MMP17: variants seen among roughly 807,000 people sequenced by gnomAD.
MMP17 encodes matrix metalloproteinase-17.
Under a neutral mutation model 49.1 loss-of-function variants are expected in MMP17, and 54 were observed. The observed-to-expected ratio is 1.10, with a 90% confidence interval of 0.88 to 1.38. The LOEUF is 1.38. Among genes scored for constraint, MMP17 ranks in the 40% most tolerant of loss-of-function variants. MMP17 has a pLI of 0.00. For synonymous variants in MMP17, 397 were observed against 383.1 expected (o/e 1.04, Z -0.42); for missense variants, 837 against 853.7 (o/e 0.98, Z 0.24).
intron 6 of MMP17, 46 bp downstream of exon 6, chr12:131,844,127 C>T (rs866939394): frequency 1.4e-6 from 2 of 1,465,918 alleles, no homozygotes; most frequent in South Asian, 1.2e-5. Context: ...TCTGTCTGTC[C>T]TCATCCCTGT....
chr12:131,833,084 TGTGCCTCC>T (rs1566081633), intron 1 of MMP17, among the ~76,000 whole-genome samples: 2 of 152,246 alleles, frequency 1.3e-5, no homozygotes, highest in Non-Finnish European at 2.9e-5. Context: ...CCGAACTCCC[TGTGCCTCC>T]GTGTTCTCAT....
Position 131,838,690 on chromosome 12 carries a change from G to C in MMP17, c.371G>C (p.Arg124Thr). 6.2e-7 allele frequency: 1 copy of C among 1,606,662 alleles called. No homozygotes were observed. Residue 124 changes from arginine to threonine, a missense_variant, in exon 3 of 10, where the codon AGA (arginine) becomes ACA (threonine). Transcript: ENST00000360564. Reference protein sequence around the residue: ...DLPVLTQARRRRQAPAPTKWN... With the variant: ...DLPVLTQARRTRQAPAPTKWN... ...CCTGTCCTGACCCAGGCTCGCAGGA[G>C]ACGCCAGGCTCCAGCCCCCACCAAG...
At position 131,846,339 on chromosome 12, in the gene MMP17, C is replaced by G. The variant is rs192882568; in HGVS notation, c.1204+890C>G. Reference sequence around the variant, plus strand: ...ATCTTCTCTTATAAGGAAGCCGGGCCTTGATTCAGGTCCCCTAGTCCTGTT... The same window carrying G: ...ATCTTCTCTTATAAGGAAGCCGGGCGTTGATTCAGGTCCCCTAGTCCTGTT... On this transcript the variant is annotated intron_variant, in intron 8 of 9. Coordinates refer to ENST00000360564, the MANE Select transcript of MMP17 (RefSeq NM_016155.7). This position sits in a 1 kb window ranked among gnomAD's most constrained non-coding sequence, Gnocchi z 4.6. Among the ~76,000 whole-genome samples the G allele has an allele frequency of 1.3e-5, 2 of 152,206 alleles. No homozygotes were observed. The highest frequency in any genetic ancestry group is 2.1e-4 in the South Asian group (1 of 4,814).
At chr12:131,841,603 C>T in intron 4 of MMP17, 21 bp from the exon 5 acceptor site, 1 of 1,613,714 alleles carries the variant, frequency 6.2e-7, no homozygotes, top group South Asian at 1.1e-5. Flanking sequence ...CCTTAGTTCA[C>T]ATGGCTCCCT....
intron 1 of MMP17, among the ~76,000 whole-genome samples, chr12:131,834,419 C>G (rs1290482892): frequency 1.3e-5 from 2 of 152,190 alleles, no homozygotes; most frequent in East Asian, 3.9e-4. Context: ...AGAGGGAGGA[C>G]CAGGCGGCGG....
rs575694865 is a variant in MMP17, at chr12:131,838,607, T to G, written c.293-5T>G. 1.2e-6 allele frequency: 2 copies of G among 1,608,976 alleles called. No individual in the cohort carries two copies. Among genetic ancestry groups the G allele is most frequent in the East Asian group, 4.5e-5 (2 of 44,828 alleles). ...TAGGCTCTGAGCTCCATGCTTTCCC[T>G]GCAGACGAGGCCACCCTGGCCCTGA... On this transcript the variant is annotated splice_region_variant and splice_polypyrimidine_tract_variant and intron_variant, in intron 2 of 9. Transcript: ENST00000360564.
intron 8 of MMP17, among the ~76,000 whole-genome samples, chr12:131,848,394 T>C (rs1017379971): frequency 1.3e-5 from 2 of 152,200 alleles, no homozygotes; most frequent in Non-Finnish European, 2.9e-5. Flanking sequence ...TCTGGTTTTT[T>C]GGTCGTTTTA....
At position 131,845,404 on chromosome 12, in the gene MMP17, G is replaced by A. The variant is rs565985941; in HGVS notation, c.1159G>A (p.Ala387Thr). The A allele has an allele frequency of 1.1e-5, 17 of 1,590,416 alleles. No individual in the cohort carries two copies. In the South Asian group the frequency reaches 1.3e-4, roughly 12 times the overall value. The change falls in exon 8 of 10, where the codon GCC becomes ACC. Residue 387 changes from alanine to threonine, a missense_variant. Coordinates refer to ENST00000360564, the MANE Select transcript of MMP17 (RefSeq NM_016155.7). ...GCCGCTGCACCTGGACAGCGTGGAC[G>A]CCGTGTACGAGCGCACCAGCGACCA... The part of the protein sequence containing the change: ...GLPLHLDSVD[A>T]VYERTSDHKI...
In MMP17 at chr12:131,840,767, C is replaced by T. The variant is rs772245909; in HGVS notation, c.617C>T (p.Thr206Ile). The T allele has an allele frequency of 1.8e-4, 284 of 1,604,812 alleles. No homozygotes were observed. The highest frequency in any genetic ancestry group is 2.1e-4 in the Non-Finnish European group (248 of 1,179,850). The change falls in exon 4 of 10, where the codon ACC becomes ATC. Residue 206 changes from threonine (T) to isoleucine (I), a missense_variant. Thr to Ile is a moderately conservative substitution (Grantham distance 89). Coordinates refer to ENST00000360564, the MANE Select transcript of MMP17 (RefSeq NM_016155.7). Reference protein sequence around the residue: ...DGYPFDGPGGTVAHAFFPGHH... With the variant: ...DGYPFDGPGGIVAHAFFPGHH... ...TACCCCTTCGACGGCCCCGGCGGCA[C>T]CGTGGCCCACGCCTTCTTCCCCGGC...
rs926966218 is a variant in MMP17 at position 131,846,200 on chromosome 12, T to C, written c.1204+751T>C. ...GTCCGAAATCAAGGGCTAGGCAGGG[T>C]GGGTCCCCTCTGGAGGCTGTCCCAG... On this transcript the variant is annotated intron_variant, in intron 8 of 9. Transcript: ENST00000360564. The surrounding 1 kb of genome is among the most constrained non-coding windows in gnomAD (Gnocchi z 4.6). Among the ~76,000 whole-genome samples the C allele has an allele frequency of 1.8e-4, 27 of 152,066 alleles. No individual in the cohort carries two copies. Among genetic ancestry groups the C allele is most frequent in the Non-Finnish European group, 1.8e-4 (12 of 67,968 alleles).
chr12:131,833,591 A>G (rs1688729924), intron 1 of MMP17, among the ~76,000 whole-genome samples: 1 of 152,246 alleles, frequency 6.6e-6, no homozygotes, highest in Non-Finnish European at 1.5e-5. Context: ...GGACCACACC[A>G]CAGCTCCATC....
intron 1 of MMP17, among the ~76,000 whole-genome samples, chr12:131,836,233 G>A (rs1214104862): frequency 6.6e-6 from 1 of 152,154 alleles, no homozygotes; most frequent in Non-Finnish European, 1.5e-5. Context: ...GTGCTTCCTG[G>A]AAGGGGGATC....
At chr12:131,829,903 C>G (rs1053177753) in intron 1 of MMP17, among the ~76,000 whole-genome samples, 16 of 152,226 alleles carry the variant, frequency 1.1e-4, no homozygotes, top group Non-Finnish European at 2.4e-4. Context: ...CCTGCAGGTC[C>G]CCACAGTGGC....
Position 131,851,252 on chromosome 12 carries a change from C to T in MMP17, c.1790C>T (p.Ala597Val), listed in dbSNP as rs760823209. ...PPLSPGALWT[A>V]AQALTL ...CTGTCACCAGGCGCCCTGTGGACAG[C>T]GGCCCAGGCCCTGACGCTATGACAC... Residue 597 changes from alanine (A) to valine (V), a missense_variant, in exon 10 of 10, where the codon GCG becomes GTG. Transcript: ENST00000360564. The T allele has an allele frequency of 1.5e-5, 21 of 1,437,182 alleles. No homozygotes were observed. Among genetic ancestry groups the T allele is most frequent in the Admixed American group, 5.8e-5 (2 of 34,212 alleles). The allele number at this position is 1,437,182 out of a possible 1,614,324, so 89.0% of individuals were successfully genotyped here. A position where few individuals can be genotyped will look rare whatever the true frequency, so the allele number is the denominator to read the frequency against.
chr12:131,841,629 C>A lies in MMP17; in HGVS notation c.712C>A (p.His238Asn). 6.2e-7 allele frequency: 1 copy of A among 1,614,046 alleles called. No individual in the cohort carries two copies. Among genetic ancestry groups the A allele is most frequent in the East Asian group, 2.2e-5 (1 of 44,874 alleles). Residue 238 changes from histidine (H) to asparagine (N), a missense_variant, in exon 5 of 10, where the codon CAC becomes AAC. Transcript: ENST00000360564. Reference sequence around the variant, plus strand: ...ATGGCTCCCTGTGTCCCCAGATGCCCACGGGATGGACCTGTTTGCAGTGGC... The same window carrying A: ...ATGGCTCCCTGTGTCCCCAGATGCCAACGGGATGGACCTGTTTGCAGTGGC... ...EAWTFRSSDA[H>N]GMDLFAVAVH...
At chr12:131,837,432 G>C (rs972744269) in intron 1 of MMP17, among the ~76,000 whole-genome samples, 2 of 152,014 alleles carry the variant, frequency 1.3e-5, no homozygotes, top group Admixed American at 1.3e-4. Context: ...CCAAGCCTGG[G>C]CTCTTATCTC....
chr12:131,828,580 T>C lies in MMP17; in HGVS notation c.86T>C (p.Leu29Pro), dbSNP rs1886629843. The C allele has an allele frequency of 6.9e-6, 7 of 1,012,516 alleles. No homozygotes were observed. The highest frequency in any genetic ancestry group is 8.3e-6 in the Non-Finnish European group (7 of 838,934). The allele number at this position is 1,012,516 out of a possible 1,614,324, so 62.7% of individuals were successfully genotyped here. ...SRLPLPLLLLLALGTRGGCAA... is the reference protein window; with the variant it reads ...SRLPLPLLLLPALGTRGGCAA... ...CTGCCGCTGCCGCTGCTGCTGCTGC[T>C]GGCGCTGGGGACCCGCGGGGGCTGC... is the stretch of plus-strand genomic sequence containing the variant. Residue 29 changes from leucine (L) to proline (P), a missense_variant, in exon 1 of 10, where the codon CTG (leucine) becomes CCG (proline). Coordinates refer to ENST00000360564, the MANE Select transcript of MMP17 (RefSeq NM_016155.7).
chr12:131,844,249 C>G, intron 6 of MMP17, 168 bp downstream of exon 6: 1 of 621,184 alleles, frequency 1.6e-6, no homozygotes, highest in Non-Finnish European at 2.8e-6. Context: ...CATCTAATAC[C>G]GGCCCTCCCC....
Position 131,851,098 on chromosome 12 carries a change from C to T in MMP17, c.1636C>T (p.Pro546Ser), listed in dbSNP as rs769408097. 3 of 1,600,964 alleles carry T rather than the reference C, an allele frequency of 1.9e-6. No individual in the cohort carries two copies. Among genetic ancestry groups the T allele is most frequent in the Non-Finnish European group, 1.7e-6 (2 of 1,174,542 alleles). The change falls in exon 10 of 10, where the codon CCA becomes TCA. Residue 546 changes from proline (P) to serine (S), a missense_variant. Coordinates refer to ENST00000360564, the MANE Select transcript of MMP17 (RefSeq NM_016155.7). Reference sequence around the variant, plus strand: ...CGCGGCAGAGGGGCCCCGCGCCCCTCCAGGACAACATGACCAGAGCCGCTC... The same window carrying T: ...CGCGGCAGAGGGGCCCCGCGCCCCTTCAGGACAACATGACCAGAGCCGCTC... ...VDAAEGPRAPPGQHDQSRSED... is the reference protein window; with the variant it reads ...VDAAEGPRAPSGQHDQSRSED...
Sources: gnomAD v4.1 joint callset for allele counts (sites outside exome capture counted in the v4.1 genomes callset) on GRCh38, gnomAD v4.1.1 for gene constraint, Gnocchi (gnomAD v3.1) non-coding constraint, MANE v1.5 for transcripts, NCBI Gene and HGNC (gene_info 2026-07-23, HGNC 2026-07-21) for gene names.